The following GUCY1A1 variants were observed in gnomAD, a reference collection of about 807,000 sequenced individuals.
GUCY1A1 encodes guanylate cyclase 1 soluble subunit alpha 1, also known as guanylate cyclase soluble subunit alpha-1.
A neutral mutation model predicts 64.5 loss-of-function variants in GUCY1A1; 48 were observed. The observed-to-expected ratio is 0.74, with a 90% confidence interval of 0.59 to 0.95. The LOEUF (loss-of-function observed/expected upper bound fraction) is 0.95, where lower values mean the gene tolerates loss of function less well. Among genes scored for constraint, GUCY1A1 ranks in the 40% least tolerant of loss-of-function variants. GUCY1A1 has a pLI of 0.00. For synonymous variants in GUCY1A1, 308 were observed against 303.4 expected (o/e 1.02, Z -0.16); for missense variants, 804 against 825.3 (o/e 0.97, Z 0.32).
intron 2 of GUCY1A1, among the ~76,000 whole-genome samples, chr4:155,689,110 G>T (rs758428238): frequency 4.6e-5 from 7 of 150,816 alleles, no homozygotes; most frequent in African/African-American, 7.3e-5. Flanking sequence ...CGATAGATGT[G>T]CCTGAGCCAA....
chr4:155,725,734 T>G (rs1734571503), intron 9 of GUCY1A1, among the ~76,000 whole-genome samples: 1 of 152,000 alleles, frequency 6.6e-6, no homozygotes, highest in Non-Finnish European at 1.5e-5. Context: ...TAATTCAGGA[T>G]CTCATGTATT....
At chr4:155,718,632 T>C (rs1733570574) in intron 8 of GUCY1A1, among the ~76,000 whole-genome samples, 2 of 152,170 alleles carry the variant, frequency 1.3e-5, no homozygotes, top group South Asian at 4.1e-4. Context: ...GTCAGATTCC[T>C]TGGTGGGGAT....
chr4:155,703,894 A>G, intron 3 of GUCY1A1, 38 bp from the exon 4 acceptor site: 1 of 1,299,540 alleles, frequency 7.7e-7, no homozygotes, highest in Non-Finnish European at 1.1e-6. Flanking sequence ...AAATTATTAT[A>G]TAAGGGAATG....
At chr4:155,697,221 A>G in intron 3 of GUCY1A1, 99 bp downstream of exon 3, 1 of 833,080 alleles carries the variant, frequency 1.2e-6, no homozygotes, top group Non-Finnish European at 2.0e-6. Flanking sequence ...CTCACTTTCA[A>G]GGCTACAATA....
Position 155,710,783 on chromosome 4 carries a change from C to T in GUCY1A1, c.618C>T (p.Phe206=). The change falls in exon 6 of 10, where the codon TTC becomes TTT. Residue 206 remains phenylalanine, a synonymous_variant. Transcript: ENST00000506455. The part of the protein sequence containing the change: ...EDDFLHVYYF[F]PKRTTSLILP... The stretch of plus-strand genomic sequence containing the variant: ...ATTTTCTACATGTTTACTACTTCTT[C>T]CCTAAGAGAACCACCTCCCTGATTC... The T allele has an allele frequency of 6.2e-7, 1 of 1,613,964 alleles. No homozygotes were observed. Among genetic ancestry groups the T allele is most frequent in the Non-Finnish European group, 8.5e-7 (1 of 1,179,870 alleles).
intron 6 of GUCY1A1, among the ~76,000 whole-genome samples, chr4:155,712,292 C>T (rs56329057): frequency 0.16 from 24,804 of 152,142 alleles, 2,226 homozygotes; most frequent in East Asian, 0.21. Context: ...CCACCACATC[C>T]GGCTAATTTT....
chr4:155,693,983 A>T (rs900806942), intron 2 of GUCY1A1, among the ~76,000 whole-genome samples: 6 of 152,188 alleles, frequency 3.9e-5, no homozygotes, highest in African/African-American at 1.2e-4. Context: ...TCTAATATAT[A>T]CCAGAATAAT....
Position 155,711,137 on chromosome 4 carries a change from T to G in GUCY1A1, c.972T>G (p.Phe324Leu), listed in dbSNP as rs755003995. 9 of 1,613,068 alleles carry G rather than the reference T, an allele frequency of 5.6e-6. No homozygotes were observed. The highest frequency in any genetic ancestry group is 7.6e-6 in the Non-Finnish European group (9 of 1,179,140). ...FQGKPNFEEY[F>L]EILTPKINQT... ...GAAAGCCTAATTTTGAAGAATACTTTGAAATTCTGACTCCAAAAATCAACC... is the reference window on the plus strand; with the variant it reads ...GAAAGCCTAATTTTGAAGAATACTTGGAAATTCTGACTCCAAAAATCAACC... Residue 324 changes from phenylalanine (F) to leucine (L), a missense_variant, in exon 6 of 10, where the codon TTT (phenylalanine) becomes TTG (leucine). Physicochemically the swap from Phe to Leu is conservative, Grantham distance 22. Coordinates refer to ENST00000506455, the MANE Select transcript of GUCY1A1 (RefSeq NM_001130682.3).
chr4:155,723,800 T>A (rs753940081), intron 9 of GUCY1A1, among the ~76,000 whole-genome samples: 1 of 151,974 alleles, frequency 6.6e-6, no homozygotes, highest in Non-Finnish European at 1.5e-5. Context: ...GTAGGTGGGA[T>A]TACAGGCGCC....
chr4:155,687,781 C>G (rs1189899058), intron 2 of GUCY1A1, among the ~76,000 whole-genome samples: 1 of 152,134 alleles, frequency 6.6e-6, no homozygotes, highest in East Asian at 1.9e-4. Context: ...TTCATGTAGC[C>G]TAAGCTTTTA....
chr4:155,710,353 T>C (rs1732395713), intron 5 of GUCY1A1, among the ~76,000 whole-genome samples, 189 bp from the exon 6 acceptor site: 1 of 152,240 alleles, frequency 6.6e-6, no homozygotes, highest in Non-Finnish European at 1.5e-5. Flanking sequence ...TTTCTTCAGT[T>C]ACTAGAATTT....
In GUCY1A1 at chr4:155,733,366, T is replaced by A. The variant is rs961628835; in HGVS notation, c.*3135T>A. 1.3e-5 allele frequency among the ~76,000 whole-genome samples: 2 copies of A among 151,632 alleles called. No individual in the cohort carries two copies. Among genetic ancestry groups the A allele is most frequent in the African/African-American group, 4.8e-5 (2 of 41,308 alleles). ...AATCAGCACACAAAGAGATGGGGTC[T>A]TGAGGGTGCATAGTACATTCTGGAC... On this transcript the variant is annotated 3_prime_UTR_variant, in exon 10 of 10. Transcript: ENST00000506455.
chr4:155,696,680 G>T (rs1730451652), intron 2 of GUCY1A1, 76 bp from the exon 3 acceptor site: 2 of 505,256 alleles, frequency 4.0e-6, no homozygotes, highest in South Asian at 3.8e-5. Flanking sequence ...TATTGCTTTT[G>T]CTCACCTGTC....
intron 8 of GUCY1A1, among the ~76,000 whole-genome samples, chr4:155,721,714 GC>G (rs1264554544): frequency 1.3e-5 from 2 of 152,120 alleles, no homozygotes; most frequent in Non-Finnish European, 2.9e-5. Context: ...CACATAAACA[GC>G]TCATATCCCC....
chr4:155,708,446 A>G lies in GUCY1A1; in HGVS notation c.376+152A>G, dbSNP rs917915985. On this transcript the variant is annotated intron_variant, in intron 5 of 9. Coordinates refer to ENST00000506455, the MANE Select transcript of GUCY1A1 (RefSeq NM_001130682.3). ...TTAACGTAAAGAGTAACTCTTTTTG[A>G]TACTATATGTTTTTGTTTGACCTAA... 33 of 528,096 alleles carry G rather than the reference A, an allele frequency of 6.2e-5. No homozygotes were observed. The African/African-American group carries it at 6.3e-4, about 10-fold the overall frequency. 32.7% of individuals were successfully genotyped at this position (528,096 alleles called of 1,614,324 possible). A position where few individuals can be genotyped will look rare whatever the true frequency, so the allele number is the denominator to read the frequency against.
intron 3 of GUCY1A1, among the ~76,000 whole-genome samples, chr4:155,700,813 C>A (rs149976370): frequency 6.6e-6 from 1 of 152,082 alleles, no homozygotes; most frequent in Non-Finnish European, 1.5e-5. Context: ...TGATAGACAA[C>A]TAAAAGATTT....
rs547734580 is a variant in GUCY1A1, at chr4:155,712,916, T to C, written c.1087-182T>C. On this transcript the variant is annotated intron_variant, in intron 6 of 9. Coordinates refer to ENST00000506455, the MANE Select transcript of GUCY1A1 (RefSeq NM_001130682.3). ...CTGTGTAGAGTATACTCTAATATACTCTTCAAACATCTGCACGCATTTTAG... is the reference window on the plus strand; with the variant it reads ...CTGTGTAGAGTATACTCTAATATACCCTTCAAACATCTGCACGCATTTTAG... 2.0e-5 allele frequency among the ~76,000 whole-genome samples: 3 copies of C among 152,308 alleles called. 1 individual carries two copies. In the South Asian group the frequency reaches 6.2e-4, roughly 32 times the overall value.
intron 3 of GUCY1A1, among the ~76,000 whole-genome samples, chr4:155,702,391 A>C (rs777656486): frequency 2.6e-5 from 4 of 152,210 alleles, no homozygotes; most frequent in Non-Finnish European, 5.9e-5. Context: ...GAAATATTTA[A>C]ACATTTCAAG....
At chr4:155,692,007 C>T (rs986866634) in intron 2 of GUCY1A1, among the ~76,000 whole-genome samples, 2 of 152,096 alleles carry the variant, frequency 1.3e-5, no homozygotes, top group Non-Finnish European at 2.9e-5. Flanking sequence ...CATGCGTTCT[C>T]ATTGTTTAGC....
Sources: gnomAD v4.1 joint callset for allele counts (sites outside exome capture counted in the v4.1 genomes callset) on GRCh38, gnomAD v4.1.1 for gene constraint, MANE v1.5 for transcripts, NCBI Gene and HGNC (gene_info 2026-07-23, HGNC 2026-07-21) for gene names.